TRIM66: variants seen among roughly 807,000 people sequenced by gnomAD.
TRIM66 encodes tripartite motif-containing protein 66.
TRIM66 carries 99 observed loss-of-function variants against 148.2 expected under a neutral mutation model. That is an observed-to-expected ratio of 0.67 (90% CI 0.57 to 0.79). TRIM66 has a LOEUF of 0.79. TRIM66 is among the 30% of genes least tolerant of loss of function. TRIM66 has a pLI of 0.00. For synonymous variants in TRIM66, 616 were observed against 635.9 expected (o/e 0.97, Z 0.47); for missense variants, 1,666 against 1,697.9 (o/e 0.98, Z 0.33).
intron 20 of TRIM66, 30 bp downstream of exon 20, chr11:8,621,002 A>T (rs1455350355): frequency 6.5e-7 from 1 of 1,542,368 alleles, no homozygotes; most frequent in Non-Finnish European, 8.8e-7. Context: ...CCTACTAGCC[A>T]GGTGATGGTC....
chr11:8,618,991 A>G (rs1014838742), intron 23 of TRIM66, 23 bp from the exon 24 acceptor site: 3 of 1,545,834 alleles, frequency 1.9e-6, no homozygotes, highest in Non-Finnish European at 2.6e-6. Context: ...GAGAGCAGTG[A>G]TGGTCTAGCC....
At chr11:8,653,332 C>T (rs2037527378) in intron 6 of TRIM66, among the ~76,000 whole-genome samples, 1 of 152,228 alleles carries the variant, frequency 6.6e-6, no homozygotes. Flanking sequence ...CAACAGAATG[C>T]AGCAAAAGTG....
chr11:8,679,541 A>G (rs1057148050), intron 3 of TRIM66, 79 bp downstream of exon 3: 5 of 152,702 alleles, frequency 3.3e-5, no homozygotes, highest in Non-Finnish European at 7.3e-5. Context: ...AACCCCTTGC[A>G]GTGGTGGTCC....
At chr11:8,630,505 C>T (rs933957744) in intron 15 of TRIM66, among the ~76,000 whole-genome samples, 2 of 152,194 alleles carry the variant, frequency 1.3e-5, no homozygotes, top group African/African-American at 4.8e-5. Context: ...AGATTCACTA[C>T]TGAAAATAAA....
At chr11:8,682,809 C>T, upstream of TRIM66, 1 of 1,613,146 alleles carries the variant, frequency 6.2e-7, no homozygotes, top group Non-Finnish European at 8.5e-7. Flanking sequence ...GTCTGGGCTG[C>T]CAACATGGTA....
chr11:8,657,645 C>T lies in TRIM66; in HGVS notation c.341-5742G>A, dbSNP rs145562424. Among the ~76,000 whole-genome samples, 2 of 152,252 alleles carry T rather than the reference C, an allele frequency of 1.3e-5. 1 individual carries two copies. The highest frequency in any genetic ancestry group is 4.8e-5 in the African/African-American group (2 of 41,542). On this transcript the variant is annotated intron_variant, in intron 6 of 24. Coordinates refer to ENST00000646038, the MANE Select transcript of TRIM66 (RefSeq NM_001388022.1). ...CACTCTAGTTGTATCCTCTGGCAGG[C>T]TGGACATCCTCACCAACAGTCCTGC...
intron 6 of TRIM66, among the ~76,000 whole-genome samples, chr11:8,656,314 T>A (rs190160881): frequency 3.7e-4 from 56 of 152,326 alleles, no homozygotes; most frequent in Non-Finnish European, 6.0e-4. Context: ...ACATAAAATA[T>A]TATTTAGATA....
At chr11:8,639,911 C>A (rs773494460) in intron 14 of TRIM66, among the ~76,000 whole-genome samples, 1 of 152,184 alleles carries the variant, frequency 6.6e-6, no homozygotes, top group Non-Finnish European at 1.5e-5. Context: ...CTGGCACTGG[C>A]AGGAGTTCAG....
chr11:8,669,404 G>A (rs1475614921), intron 6 of TRIM66, among the ~76,000 whole-genome samples: 1 of 152,190 alleles, frequency 6.6e-6, no homozygotes, highest in Non-Finnish European at 1.5e-5. Context: ...AGCACTTTGG[G>A]AGGCCGAGGC....
Position 8,649,814 on chromosome 11 carries a change from G to A in TRIM66, c.518C>T (p.Ser173Phe). 1 of 1,551,700 alleles carries A rather than the reference G, an allele frequency of 6.4e-7. No individual in the cohort carries two copies. Among genetic ancestry groups the A allele is most frequent in the Non-Finnish European group, 8.7e-7 (1 of 1,146,994 alleles). The change falls in exon 8 of 25, where the codon TCT (serine) becomes TTT (phenylalanine). Residue 173 changes from serine (S) to phenylalanine (F), a missense_variant. Transcript: ENST00000646038. ...GCTGTGTCGGTGTTCCTCTGTGCAA[G>A]AGCTGCACAGCCAGCGATTGCAGTA... ...CTYCNRWLCSSCTEEHRHSPV... is the reference protein window; with the variant it reads ...CTYCNRWLCSFCTEEHRHSPV...
chr11:8,635,542 T>C (rs1347374728), intron 15 of TRIM66, among the ~76,000 whole-genome samples: 2 of 152,138 alleles, frequency 1.3e-5, no homozygotes, highest in East Asian at 3.9e-4. Context: ...ACTGTCAGGG[T>C]TGATCTCTCT....
chr11:8,640,992 G>A lies in TRIM66; in HGVS notation c.1383C>T (p.Cys461=). The A allele has an allele frequency of 6.4e-7, 1 of 1,551,512 alleles. No individual in the cohort carries two copies. The highest frequency in any genetic ancestry group is 8.7e-7 in the Non-Finnish European group (1 of 1,146,952). The part of the protein sequence containing the change: ...PSHKFQSPAV[C]SSSVCCSHCS... ...AGTGGGAGCAGCACACAGATGAGGA[G>A]CACACTGCTGGAGACTGGAACTTGT... The change falls in exon 14 of 25, where the codon TGC becomes TGT. Residue 461 remains cysteine (C), a synonymous_variant. Coordinates refer to ENST00000646038, the MANE Select transcript of TRIM66 (RefSeq NM_001388022.1).
chr11:8,683,022 C>A, upstream of TRIM66: 2 of 839,838 alleles, frequency 2.4e-6, no homozygotes, highest in Non-Finnish European at 3.7e-6. Context: ...CTAGGACACG[C>A]GGGCCCCTGC....
At chr11:8,625,838 G>A (rs1384169159) in intron 15 of TRIM66, among the ~76,000 whole-genome samples, 1 of 152,158 alleles carries the variant, frequency 6.6e-6, no homozygotes, top group African/African-American at 2.4e-5. Flanking sequence ...GTCAACTGCA[G>A]GGCCTTCTTA....
Position 8,640,330 on chromosome 11 carries a change from G to A in TRIM66, c.2045C>T (p.Thr682Ile). ...AQQPSLQLSQTKSPQHLQQTI... is the reference protein window; with the variant it reads ...AQQPSLQLSQIKSPQHLQQTI... ...TTGCTGAAGATGCTGAGGAGATTTG[G>A]TCTGACTCAGTTGCAGGCTGGGCTG... Residue 682 changes from threonine to isoleucine, a missense_variant, in exon 14 of 25, where the codon ACC (threonine) becomes ATC (isoleucine). Physicochemically the swap from Thr to Ile is moderately conservative, Grantham distance 89. Transcript: ENST00000646038. The A allele has an allele frequency of 1.3e-6, 2 of 1,551,756 alleles. No homozygotes were observed. The highest frequency in any genetic ancestry group is 1.7e-6 in the Non-Finnish European group (2 of 1,147,032).
At chr11:8,647,929 C>CA in intron 10 of TRIM66, 41 bp downstream of exon 10, 1 of 1,464,232 alleles carries the variant, frequency 6.8e-7, no homozygotes, top group Non-Finnish European at 9.4e-7. Flanking sequence ...TGTGCGGGAA[C>CA]AGAGCATTTC....
chr11:8,665,886 T>C (rs535901815), intron 6 of TRIM66, among the ~76,000 whole-genome samples: 27 of 147,518 alleles, frequency 1.8e-4, no homozygotes, highest in African/African-American at 6.5e-4. Flanking sequence ...GAGGTGGAGT[T>C]TGCAGTGAGC....
At chr11:8,620,202 A>C in intron 21 of TRIM66, 78 bp from the exon 22 acceptor site, 1 of 1,419,256 alleles carries the variant, frequency 7.0e-7, no homozygotes, top group Admixed American at 2.0e-5. Context: ...TGACCCTGAT[A>C]ACTCCCTGGC....
intron 17 of TRIM66, among the ~76,000 whole-genome samples, chr11:8,624,039 A>G (rs569025949): frequency 2.0e-5 from 3 of 152,268 alleles, no homozygotes; most frequent in South Asian, 2.1e-4. Flanking sequence ...TCTTTTCCCT[A>G]TAACATTTTG....
Sources: gnomAD v4.1 joint callset for allele counts (sites outside exome capture counted in the v4.1 genomes callset) on GRCh38, gnomAD v4.1.1 for gene constraint, MANE v1.5 for transcripts, NCBI Gene and HGNC (gene_info 2026-07-23, HGNC 2026-07-21) for gene names.